SYT4: variants seen among roughly 807,000 people sequenced by gnomAD.
SYT4 encodes synaptotagmin-4.
Under a neutral mutation model 32.9 loss-of-function variants are expected in SYT4, and 7 were observed. The observed-to-expected ratio is 0.21, with a 90% CI of 0.12 to 0.40. The LOEUF (loss-of-function observed/expected upper bound fraction) is 0.40. Ranked by LOEUF, SYT4 falls within the 10% of genes least tolerant of loss-of-function variation. SYT4 has a pLI of 1.00. For missense variants in SYT4, 480 were observed against 488.0 expected, an observed-to-expected ratio of 0.98 and a Z score of 0.16; for synonymous variants, 205 against 186.2, an observed-to-expected ratio of 1.10 and a Z score of -0.82.
chr18:43,270,763 A>T (rs2144364841), intron 3 of SYT4, 115 bp from the exon 4 acceptor site: 1 of 1,119,850 alleles, frequency 8.9e-7, no homozygotes, highest in Admixed American at 2.4e-5. Context: ...TACCAGGAAA[A>T]TAAGTCAAAA....
At chr18:43,272,011 A>G (rs1908645971) in intron 2 of SYT4, 179 bp from the exon 3 acceptor site, 1 of 530,716 alleles carries the variant, frequency 1.9e-6, no homozygotes, top group South Asian at 3.7e-5. Flanking sequence ...TGCTTGAAAA[A>G]CCACTGCCTG....
rs531328672 is a variant in SYT4, at chr18:43,269,775, C to G, written c.*566G>C. The G allele has an allele frequency of 6.5e-6, 1 of 153,726 alleles. No individual in the cohort carries two copies. Among genetic ancestry groups the G allele is most frequent in the Admixed American group, 6.5e-5 (1 of 15,466 alleles). The allele number at this position is 153,726 out of a possible 1,614,324, so 9.5% of individuals were successfully genotyped here. A position where few individuals can be genotyped will look rare whatever the true frequency, so the allele number is the denominator to read the frequency against. ...CCTTTTGAAATGAATCTGAGTTACT[C>G]TTATGATAAAATTGCATCAAATAAT... On this transcript the variant is annotated 3_prime_UTR_variant, in exon 4 of 4. Transcript: ENST00000255224.
At chr18:43,273,486 G>A (rs1416368987) in intron 2 of SYT4, 94 bp downstream of exon 2, 1 of 778,136 alleles carries the variant, frequency 1.3e-6, no homozygotes, top group East Asian at 2.7e-5. Flanking sequence ...AGGATGATAT[G>A]TACAAGCTTA....
chr18:43,268,789 C>A lies in SYT4; in HGVS notation c.*1552G>T, dbSNP rs560914365. Reference sequence around the variant, plus strand: ...GTACATACAGAATGTAATACATTTTCTTTACATTAGGCATAGTCATAAAAA... The same window carrying A: ...GTACATACAGAATGTAATACATTTTATTTACATTAGGCATAGTCATAAAAA... On this transcript the variant is annotated 3_prime_UTR_variant, in exon 4 of 4. Coordinates refer to ENST00000255224, the MANE Select transcript of SYT4 (RefSeq NM_020783.4). 6.5e-6 allele frequency: 1 copy of A among 152,674 alleles called. No homozygotes were observed. Among genetic ancestry groups the A allele is most frequent in the South Asian group, 2.1e-4 (1 of 4,822 alleles). The allele number at this position is 152,674 out of a possible 1,614,324, so 9.5% of individuals were successfully genotyped here.
At position 43,274,345 on chromosome 18, in the gene SYT4, G is replaced by A. The variant is rs1908725865; in HGVS notation, c.84C>T (p.Phe28=). Residue 28 remains phenylalanine (F), a synonymous_variant, in exon 2 of 4, where the codon TTC becomes TTT. Transcript: ENST00000255224. ...AGATCCATGCAAAGAGAGAGACTGTGAAGACCAGGCCAAATGCACTGAAGA... is the reference window on the plus strand; with the variant it reads ...AGATCCATGCAAAGAGAGAGACTGTAAAGACCAGGCCAAATGCACTGAAGA... ...VGIFSAFGLV[F]TVSLFAWICC... is the part of the protein sequence containing the mutation. 1 of 1,611,836 alleles carries A rather than the reference G, an allele frequency of 6.2e-7. No homozygotes were observed. Among genetic ancestry groups the A allele is most frequent in the East Asian group, 2.2e-5 (1 of 44,826 alleles).
At chr18:43,276,997 C>T (rs573787243) in intron 1 of SYT4, among the ~76,000 whole-genome samples, 10 of 152,168 alleles carry the variant, frequency 6.6e-5, no homozygotes, top group South Asian at 6.2e-4. Context: ...TACAGAAGTA[C>T]CTGAAAATTT....
intron 2 of SYT4, 123 bp from the exon 3 acceptor site, chr18:43,271,955 C>T: frequency 8.9e-7 from 1 of 1,117,350 alleles, no homozygotes; most frequent in African/African-American, 1.6e-5. Context: ...TTTTAATATT[C>T]TAAGGAATTG....
Position 43,273,819 on chromosome 18 carries a change from GCTT to G in SYT4, c.607_609del (p.Lys203del), listed in dbSNP as rs1358051088. 6.2e-7 allele frequency: 1 copy of G among 1,614,026 alleles called. No homozygotes were observed. The highest frequency in any genetic ancestry group is 8.5e-7 in the Non-Finnish European group (1 of 1,179,926). On this transcript the variant is annotated inframe_deletion, in exon 2 of 4. Transcript: ENST00000255224. ...CTCAGCACTCTAGTTTTCACTTTAT[GCTT>G]CTTCTCTGGGAGGATCGTCATTTTG...
Position 43,268,064 on chromosome 18 carries a change from C to T in SYT4, c.*2277G>A, listed in dbSNP as rs1042580881. On this transcript the variant is annotated 3_prime_UTR_variant, in exon 4 of 4. Coordinates refer to ENST00000255224, the MANE Select transcript of SYT4 (RefSeq NM_020783.4). ...TTACTGAGTTACACAGTTCTTCAAACATGTATACCTCCCCATTTGGGTGGT... is the reference window on the plus strand; with the variant it reads ...TTACTGAGTTACACAGTTCTTCAAATATGTATACCTCCCCATTTGGGTGGT... The T allele has an allele frequency of 2.0e-5, 3 of 152,482 alleles. No individual in the cohort carries two copies. The highest frequency in any genetic ancestry group is 4.4e-5 in the Non-Finnish European group (3 of 68,052). 9.4% of individuals were successfully genotyped at this position (152,482 alleles called of 1,614,324 possible). A position where few individuals can be genotyped will look rare whatever the true frequency, so the allele number is the denominator to read the frequency against.
rs1908695208 is a variant in SYT4 at position 43,273,564 on chromosome 18, AC to A, written c.849+15del. 1 of 1,551,704 alleles carries A rather than the reference AC, an allele frequency of 6.4e-7. No homozygotes were observed. The highest frequency in any genetic ancestry group is 1.4e-5 in the African/African-American group (1 of 72,726). On this transcript the variant is annotated intron_variant, in intron 2 of 3. Transcript: ENST00000255224. ...AAGATTGTTTATAAATACTTTAAGCACTGAAAATAAATTACCCTAACATTTC... is the reference window on the plus strand; with the variant it reads ...AAGATTGTTTATAAATACTTTAAGCATGAAAATAAATTACCCTAACATTTC...
chr18:43,269,223 CTAAGCA>C lies in SYT4; in HGVS notation c.*1112_*1117del, dbSNP rs1908551113. 5.3e-5 allele frequency: 8 copies of C among 152,128 alleles called. No individual in the cohort carries two copies. The highest frequency in any genetic ancestry group is 5.2e-4 in the Admixed American group (8 of 15,268). 9.4% of individuals were successfully genotyped at this position (152,128 alleles called of 1,614,324 possible). On this transcript the variant is annotated 3_prime_UTR_variant, in exon 4 of 4. Coordinates refer to ENST00000255224, the MANE Select transcript of SYT4 (RefSeq NM_020783.4). ...TTCTTTGTTGTGCTAATTTGACAGC[CTAAGCA>C]TATTTTGCGTGAACATATGTAAATT...
intron 1 of SYT4, among the ~76,000 whole-genome samples, chr18:43,275,199 T>A (rs1428125185): frequency 6.6e-6 from 1 of 152,154 alleles, no homozygotes; most frequent in Non-Finnish European, 1.5e-5. Context: ...CAATTTTATC[T>A]ATAACTGTCT....
chr18:43,276,672 T>C (rs1200503875), intron 1 of SYT4, among the ~76,000 whole-genome samples: 1 of 152,178 alleles, frequency 6.6e-6, no homozygotes, highest in African/African-American at 2.4e-5. Context: ...GCTGAGCCAG[T>C]TCATTTTGAA....
Position 43,270,220 on chromosome 18 carries a change from A to G in SYT4, c.*121T>C, listed in dbSNP as rs1332355389. 14 of 1,034,816 alleles carry G rather than the reference A, an allele frequency of 1.4e-5. No individual in the cohort carries two copies. The highest frequency in any genetic ancestry group is 2.0e-5 in the Non-Finnish European group (14 of 705,904). The allele number at this position is 1,034,816 out of a possible 1,614,324, so 64.1% of individuals were successfully genotyped here. On this transcript the variant is annotated 3_prime_UTR_variant, in exon 4 of 4. Coordinates refer to ENST00000255224, the MANE Select transcript of SYT4 (RefSeq NM_020783.4). The stretch of plus-strand genomic sequence containing the variant: ...TGGTCTACTAATTCAATCCATTTCT[A>G]GCAACAACAACAACAACAAAAAGGT...
chr18:43,275,271 A>T (rs1473778208), intron 1 of SYT4, among the ~76,000 whole-genome samples: 2 of 152,148 alleles, frequency 1.3e-5, no homozygotes, highest in African/African-American at 4.8e-5. Context: ...ATTTTCTTGA[A>T]TGATGGCACA....
rs1232288682 is a variant in SYT4, at chr18:43,272,373, G to T, written c.850-541C>A. Among the ~76,000 whole-genome samples the T allele has an allele frequency of 2.6e-5, 4 of 152,094 alleles. No individual in the cohort carries two copies. The South Asian group carries it at 8.3e-4, about 32-fold the overall frequency. On this transcript the variant is annotated intron_variant, in intron 2 of 3. Coordinates refer to ENST00000255224, the MANE Select transcript of SYT4 (RefSeq NM_020783.4). ...ACATTCCTGGCCCAGAGGGATAATG[G>T]AGTTAAAATTCTCTGCCTCTTTCAC... is the stretch of plus-strand genomic sequence containing the variant.
At chr18:43,276,312 T>C (rs1286410587) in intron 1 of SYT4, among the ~76,000 whole-genome samples, 2 of 152,190 alleles carry the variant, frequency 1.3e-5, no homozygotes, top group Non-Finnish European at 2.9e-5. Context: ...ATCTTGAAAG[T>C]CAAGATCATA....
intron 1 of SYT4, among the ~76,000 whole-genome samples, chr18:43,276,837 C>T (rs1391246397): frequency 6.6e-6 from 1 of 151,984 alleles, no homozygotes; most frequent in Non-Finnish European, 1.5e-5. Context: ...CTTTTTTTAA[C>T]CAAGATCAAA....
At chr18:43,275,938 A>G (rs1468450389) in intron 1 of SYT4, among the ~76,000 whole-genome samples, 1 of 152,192 alleles carries the variant, frequency 6.6e-6, no homozygotes, top group East Asian at 1.9e-4. Flanking sequence ...ACCCAAGGCC[A>G]GGGAGCAAAA....
Sources: gnomAD v4.1 joint callset for allele counts (sites outside exome capture counted in the v4.1 genomes callset) on GRCh38, gnomAD v4.1.1 for gene constraint, MANE v1.5 for transcripts, NCBI Gene and HGNC (gene_info 2026-07-23, HGNC 2026-07-21) for gene names.